SNX31: variants seen among roughly 807,000 people sequenced by gnomAD.
The protein encoded by SNX31 is sorting nexin-31.
A neutral mutation model predicts 65.4 loss-of-function variants in SNX31; 58 were observed. The observed-to-expected ratio is 0.89, with a 90% CI of 0.72 to 1.10. SNX31 has a LOEUF of 1.10. Ranked by LOEUF, SNX31 falls within the 50% of genes least tolerant of loss-of-function variation. The pLI is 0.00. For synonymous variants in SNX31, 181 were observed against 190.1 expected (o/e 0.95, Z 0.39); for missense variants, 523 against 529.7 (o/e 0.99, Z 0.12).
chr8:100,576,948 T>C lies in SNX31; in HGVS notation c.1227+71A>G. 1 of 1,258,034 alleles carries C rather than the reference T, an allele frequency of 7.9e-7. No homozygotes were observed. Among genetic ancestry groups the C allele is most frequent in the Non-Finnish European group, 1.1e-6 (1 of 878,164 alleles). The allele number at this position is 1,258,034 out of a possible 1,614,324, so 77.9% of individuals were successfully genotyped here. A position where few individuals can be genotyped will look rare whatever the true frequency, so the allele number is the denominator to read the frequency against. On this transcript the variant is annotated intron_variant, in intron 13 of 13. Coordinates refer to ENST00000311812, the MANE Select transcript of SNX31 (RefSeq NM_152628.4). This position sits in a 1 kb window ranked among gnomAD's most constrained non-coding sequence, Gnocchi z 4.8. ...CTTATTATTGAAAGTGAGATGACTT[T>C]GGTTAAAGAGGAAAAAAGATCAGAT...
chr8:100,639,412 T>C (rs1027947567), intron 2 of SNX31, among the ~76,000 whole-genome samples: 9 of 152,316 alleles, frequency 5.9e-5, no homozygotes, highest in Admixed American at 2.0e-4. Context: ...CTCTGGCTGA[T>C]AAAGTTGTTT....
chr8:100,598,925 T>G (rs1275273729), intron 9 of SNX31, among the ~76,000 whole-genome samples: 1 of 152,234 alleles, frequency 6.6e-6, no homozygotes. Context: ...AAGTGGCCCA[T>G]GGACCACAGC....
At chr8:100,652,986 G>T (rs1820000739), upstream of SNX31, among the ~76,000 whole-genome samples, 1 of 152,338 alleles carries the variant, frequency 6.6e-6, no homozygotes, top group South Asian at 2.1e-4. Flanking sequence ...AGAGATTCCT[G>T]GTTGGTGGAC....
intron 8 of SNX31, among the ~76,000 whole-genome samples, chr8:100,605,610 G>A (rs1320871066): frequency 1.3e-5 from 2 of 152,162 alleles, no homozygotes; most frequent in Non-Finnish European, 2.9e-5. Flanking sequence ...GAAGGATGCG[G>A]TTGCTGGCCC....
Position 100,573,790 on chromosome 8 carries a change from G to T in SNX31, c.*75C>A. On this transcript the variant is annotated 3_prime_UTR_variant, in exon 14 of 14. Coordinates refer to ENST00000311812, the MANE Select transcript of SNX31 (RefSeq NM_152628.4). ...AAATTTCCTCCACTGATGGTAGGTA[G>T]CCCACCTGAATCCCCAAGTTCTTTC... 1 of 1,000,008 alleles carries T rather than the reference G, an allele frequency of 1.0e-6. No homozygotes were observed. Among genetic ancestry groups the T allele is most frequent in the Non-Finnish European group, 1.5e-6 (1 of 681,172 alleles). The allele number at this position is 1,000,008 out of a possible 1,614,324, so 61.9% of individuals were successfully genotyped here. A position where few individuals can be genotyped will look rare whatever the true frequency, so the allele number is the denominator to read the frequency against.
intron 4 of SNX31, among the ~76,000 whole-genome samples, chr8:100,624,938 G>T (rs2131143208): frequency 6.6e-6 from 1 of 152,048 alleles, no homozygotes; most frequent in African/African-American, 2.4e-5. Flanking sequence ...AGTAGCGGGG[G>T]CTATAGACAC....
intron 5 of SNX31, among the ~76,000 whole-genome samples, chr8:100,616,629 C>T (rs774343966): frequency 7.9e-5 from 12 of 152,130 alleles, no homozygotes; most frequent in Non-Finnish European, 1.2e-4. Context: ...AGTTTAGGGG[C>T]AGCTGTAGAG....
At chr8:100,623,834 C>T (rs1817862756) in intron 4 of SNX31, among the ~76,000 whole-genome samples, 1 of 152,156 alleles carries the variant, frequency 6.6e-6, no homozygotes. Context: ...AACAGAAAGT[C>T]AGAGACTTTG....
intron 8 of SNX31, among the ~76,000 whole-genome samples, chr8:100,606,668 C>G (rs1816191851): frequency 6.6e-6 from 1 of 152,218 alleles, no homozygotes; most frequent in Non-Finnish European, 1.5e-5. Flanking sequence ...ATCTCTCTCT[C>G]TCCTGAGTTT....
chr8:100,579,454 C>A (rs1813312022), intron 12 of SNX31, among the ~76,000 whole-genome samples: 1 of 152,094 alleles, frequency 6.6e-6, no homozygotes, highest in South Asian at 2.1e-4. Flanking sequence ...CAGTAATTTC[C>A]CCCTGGCTGT....
In SNX31 at chr8:100,587,259, CTT is replaced by C. The variant is rs377484978; in HGVS notation, c.1092+1605_1092+1606del. Among the ~76,000 whole-genome samples the C allele has an allele frequency of 1.3e-4, 20 of 152,274 alleles. No homozygotes were observed. The East Asian group carries it at 3.3e-3, about 25-fold the overall frequency. On this transcript the variant is annotated intron_variant, in intron 11 of 13. Coordinates refer to ENST00000311812, the MANE Select transcript of SNX31 (RefSeq NM_152628.4). ...CTACTGCGGGGTTTCTGGGGTAAAA[CTT>C]TTGCTTTCCAGATAAGAGAGATATG...
chr8:100,636,836 C>T (rs1351696606), intron 2 of SNX31, among the ~76,000 whole-genome samples: 1 of 152,136 alleles, frequency 6.6e-6, no homozygotes, highest in African/African-American at 2.4e-5. Context: ...ATTCTCCTGC[C>T]TCAGCCTCCC....
chr8:100,639,904 C>T (rs992600452), intron 2 of SNX31, among the ~76,000 whole-genome samples: 1 of 151,730 alleles, frequency 6.6e-6, no homozygotes, highest in Non-Finnish European at 1.5e-5. Context: ...ACATTCAAAA[C>T]AAATGAAAAA....
intron 1 of SNX31, chr8:100,657,707 G>A: frequency 2.2e-6 from 1 of 455,810 alleles, no homozygotes. Flanking sequence ...CAGGGTCACG[G>A]GAGATGGTGC....
chr8:100,583,721 G>A, intron 12 of SNX31, among the ~76,000 whole-genome samples: 1 of 152,132 alleles, frequency 6.6e-6, no homozygotes, highest in Non-Finnish European at 1.5e-5. Context: ...TCTTTCTAGA[G>A]ATAAACTTAT....
At position 100,649,616 on chromosome 8, in the gene SNX31, C is replaced by G. The variant is rs182338640; in HGVS notation, c.-102G>C. ...GCGGTGGACGCAGCGCGGCCTGCCA[C>G]GCGACTCAGAGCGAACCCCGGCGCC... On this transcript the variant is annotated 5_prime_UTR_variant, in exon 1 of 14. Transcript: ENST00000311812. The G allele has an allele frequency of 8.5e-4, 1,034 of 1,217,206 alleles. 17 individuals carry two copies. In the East Asian group the frequency reaches 0.024, roughly 28 times the overall value. The allele number at this position is 1,217,206 out of a possible 1,614,324, so 75.4% of individuals were successfully genotyped here. A position where few individuals can be genotyped will look rare whatever the true frequency, so the allele number is the denominator to read the frequency against.
intron 10 of SNX31, among the ~76,000 whole-genome samples, chr8:100,593,811 G>A (rs549948662): frequency 2.0e-5 from 3 of 152,026 alleles, no homozygotes; most frequent in African/African-American, 7.2e-5. Flanking sequence ...AATGGATCAT[G>A]AACTTACATG....
At chr8:100,646,382 C>A (rs953181663) in intron 2 of SNX31, among the ~76,000 whole-genome samples, 3 of 152,086 alleles carry the variant, frequency 2.0e-5, no homozygotes, top group Non-Finnish European at 4.4e-5. Context: ...CAGAGGAAAC[C>A]CACAGGTAGC....
At chr8:100,624,581 G>A (rs1817920451) in intron 4 of SNX31, among the ~76,000 whole-genome samples, 1 of 152,160 alleles carries the variant, frequency 6.6e-6, no homozygotes, top group Non-Finnish European at 1.5e-5. Flanking sequence ...ATCTTGGTGT[G>A]ATGAGACCAA....
Sources: gnomAD v4.1 joint callset for allele counts (sites outside exome capture counted in the v4.1 genomes callset) on GRCh38, gnomAD v4.1.1 for gene constraint, Gnocchi (gnomAD v3.1) non-coding constraint, MANE v1.5 for transcripts, NCBI Gene and HGNC (gene_info 2026-07-23, HGNC 2026-07-21) for gene names.